The following SH3BP5L variants were observed in gnomAD, a reference collection of about 807,000 sequenced individuals.
SH3BP5L encodes SH3 domain-binding protein 5-like.
In SH3BP5L, 16 loss-of-function variants were observed where a neutral mutation model predicts 40.9. The ratio of observed to expected loss-of-function variants is 0.39; its 90% CI spans 0.27 to 0.59. The LOEUF (loss-of-function observed/expected upper bound fraction) is 0.59, where lower values mean the gene tolerates loss of function less well. SH3BP5L is among the 20% of genes least tolerant of loss of function. SH3BP5L has a pLI of 0.53. For synonymous variants in SH3BP5L, 229 were observed against 226.7 expected, an observed-to-expected ratio of 1.01 and a Z score of -0.09; for missense variants, 471 against 544.6, an observed-to-expected ratio of 0.86 and a Z score of 1.35.
rs1664160005 is a variant in SH3BP5L at position 248,818,259 on chromosome 1, A to C, written c.184-1375T>G. On this transcript the variant is annotated intron_variant, in intron 2 of 6. Coordinates refer to ENST00000366472, the MANE Select transcript of SH3BP5L (RefSeq NM_030645.3). ...GCTACTTGGGAGGCCGAGGCACGAA[A>C]ATGGCTTGAACCCGGGGGGCAGGGA... Among the ~76,000 whole-genome samples, 3 of 152,070 alleles carry C rather than the reference A, an allele frequency of 2.0e-5. 1 individual carries two copies. Among genetic ancestry groups the C allele is most frequent in the Non-Finnish European group, 4.4e-5 (3 of 68,028 alleles).
At chr1:248,818,646 A>G (rs1664172998) in intron 2 of SH3BP5L, among the ~76,000 whole-genome samples, 2 of 152,176 alleles carry the variant, frequency 1.3e-5, no homozygotes, top group African/African-American at 4.8e-5. Flanking sequence ...GAAGGACTGG[A>G]GAGAGAAGCA....
At chr1:248,817,036 C>T (rs1664128732) in intron 2 of SH3BP5L, 152 bp from the exon 3 acceptor site, 1 of 1,543,282 alleles carries the variant, frequency 6.5e-7, no homozygotes, top group South Asian at 1.2e-5. Context: ...ACGGAGATTG[C>T]CAAAAGCTTT....
Position 248,812,552 on chromosome 1 carries a change from C to G in SH3BP5L, c.712-182G>C, listed in dbSNP as rs73150581. ...CAGCACCCACCACAGACCCACAACACCCTTCCCTGCTCCACTTGCTCTGCG... is the reference window on the plus strand; with the variant it reads ...CAGCACCCACCACAGACCCACAACAGCCTTCCCTGCTCCACTTGCTCTGCG... On this transcript the variant is annotated intron_variant, in intron 6 of 6. Transcript: ENST00000366472. The surrounding 1 kb of genome is among the most constrained non-coding windows in gnomAD (Gnocchi z 6.1). Among the ~76,000 whole-genome samples, 89 of 109,120 alleles carry G rather than the reference C, an allele frequency of 8.2e-4. No individual in the cohort carries two copies. The highest frequency in any genetic ancestry group is 3.2e-3 in the African/African-American group (59 of 18,662). 71.6% of individuals were successfully genotyped at this position (109,120 alleles called of 152,430 possible). A position where few individuals can be genotyped will look rare whatever the true frequency, so the allele number is the denominator to read the frequency against.
intron 2 of SH3BP5L, among the ~76,000 whole-genome samples, chr1:248,818,211 G>A (rs980929288): frequency 1.3e-5 from 2 of 152,102 alleles, no homozygotes; most frequent in Non-Finnish European, 2.9e-5. Context: ...AGCTGGGCGT[G>A]GTGGCACACA....
chr1:248,811,452 A>G lies in SH3BP5L; in HGVS notation c.*448T>C. On this transcript the variant is annotated 3_prime_UTR_variant, in exon 7 of 7. Coordinates refer to ENST00000366472, the MANE Select transcript of SH3BP5L (RefSeq NM_030645.3). Reference sequence around the variant, plus strand: ...GCCTTGGGAAGGGGGGCGGGGCTGGAAACCAACGGGAGGGGTGACTGTCCA... The same window carrying G: ...GCCTTGGGAAGGGGGGCGGGGCTGGGAACCAACGGGAGGGGTGACTGTCCA... 1.2e-5 allele frequency: 2 copies of G among 161,150 alleles called. No homozygotes were observed. The highest frequency in any genetic ancestry group is 2.7e-5 in the Non-Finnish European group (2 of 74,478). 10.0% of individuals were successfully genotyped at this position (161,150 alleles called of 1,614,324 possible).
chr1:248,818,489 T>C (rs952976048), intron 2 of SH3BP5L, among the ~76,000 whole-genome samples: 2 of 151,966 alleles, frequency 1.3e-5, no homozygotes, highest in Non-Finnish European at 2.9e-5. Flanking sequence ...ATCAGGAAAG[T>C]GTATAGAGTC....
chr1:248,825,680 T>A (rs1572188654), intron 1 of SH3BP5L, 155 bp downstream of exon 1: 1 of 190,992 alleles, frequency 5.2e-6, no homozygotes, highest in Non-Finnish European at 9.6e-6. Context: ...GGCTTTGCGA[T>A]TCACCTTGTA....
intron 5 of SH3BP5L, 140 bp downstream of exon 5, chr1:248,814,309 G>C: frequency 1.1e-6 from 1 of 922,814 alleles, no homozygotes; most frequent in Non-Finnish European, 1.6e-6. Flanking sequence ...CAGAAAACTA[G>C]GAACAGGTTT....
rs1422686422 is a variant in SH3BP5L at position 248,810,518 on chromosome 1, GCA to G, written c.*1380_*1381del. 6.6e-6 allele frequency: 1 copy of G among 152,304 alleles called. No individual in the cohort carries two copies. Among genetic ancestry groups the G allele is most frequent in the Non-Finnish European group, 1.5e-5 (1 of 68,088 alleles). 9.4% of individuals were successfully genotyped at this position (152,304 alleles called of 1,614,324 possible). On this transcript the variant is annotated 3_prime_UTR_variant, in exon 7 of 7. Coordinates refer to ENST00000366472, the MANE Select transcript of SH3BP5L (RefSeq NM_030645.3). Reference sequence around the variant, plus strand: ...CTTTCCCCCTTACACACCAGCACATGCACACACGCACACCCACACCCTCCCTC... The same window carrying G: ...CTTTCCCCCTTACACACCAGCACATGCACACGCACACCCACACCCTCCCTC...
intron 2 of SH3BP5L, among the ~76,000 whole-genome samples, chr1:248,822,224 G>A (rs574443787): frequency 6.6e-6 from 1 of 152,266 alleles, no homozygotes; most frequent in African/African-American, 2.4e-5. Context: ...AACACTCAAA[G>A]GGACCTCGAA....
rs1664001447 is a variant in SH3BP5L, at chr1:248,813,137, A to G, written c.563T>C (p.Leu188Pro). Residue 188 changes from leucine to proline, a missense_variant, in exon 6 of 7, where the codon CTT becomes CCT. By Grantham distance (98) the Leu-to-Pro change is moderately conservative. Coordinates refer to ENST00000366472, the MANE Select transcript of SH3BP5L (RefSeq NM_030645.3). ...CKVNEAEEER[L>P]RGEREHQRVT... is the part of the protein sequence containing the mutation. Reference sequence around the variant, plus strand: ...TCGCTGGTGCTCCCGCTCACCTCGAAGCCGCTCTTCCTCCGCCTCATTCAC... The same window carrying G: ...TCGCTGGTGCTCCCGCTCACCTCGAGGCCGCTCTTCCTCCGCCTCATTCAC... 6.2e-7 allele frequency: 1 copy of G among 1,602,576 alleles called. No individual in the cohort carries two copies. The highest frequency in any genetic ancestry group is 1.3e-5 in the African/African-American group (1 of 74,494).
At chr1:248,814,958 C>A in intron 4 of SH3BP5L, 1 of 379,892 alleles carries the variant, frequency 2.6e-6, no homozygotes, top group East Asian at 6.7e-5. Context: ...GAAAAGATGA[C>A]CTTGAGACCA....
chr1:248,823,477 T>C (rs1664302890), intron 2 of SH3BP5L, among the ~76,000 whole-genome samples: 1 of 152,230 alleles, frequency 6.6e-6, no homozygotes, highest in Non-Finnish European at 1.5e-5. Flanking sequence ...CAAGACTTTT[T>C]TCACTACAAC....
At chr1:248,813,495 G>A in intron 5 of SH3BP5L, 1 of 289,962 alleles carries the variant, frequency 3.4e-6, no homozygotes. Flanking sequence ...AGGGATGCTG[G>A]TGCCCACTCA....
Position 248,825,888 on chromosome 1 carries a change from C to T in SH3BP5L, c.-485G>A, listed in dbSNP as rs201678770. 5 of 973,616 alleles carry T rather than the reference C, an allele frequency of 5.1e-6. No homozygotes were observed. Among genetic ancestry groups the T allele is most frequent in the South Asian group, 4.8e-5 (1 of 21,016 alleles). 60.3% of individuals were successfully genotyped at this position (973,616 alleles called of 1,614,324 possible). On this transcript the variant is annotated 5_prime_UTR_variant, in exon 1 of 7. Coordinates refer to ENST00000366472, the MANE Select transcript of SH3BP5L (RefSeq NM_030645.3). ...TCTATGCTGCAAACAATCTCCCCCC[C>T]TCCCTCCCCGCAACAAGCCGATCCA... is the stretch of plus-strand genomic sequence containing the variant.
chr1:248,814,224 G>A (rs1664035538), intron 5 of SH3BP5L: 8 of 579,870 alleles, frequency 1.4e-5, no homozygotes, highest in African/African-American at 5.6e-5. Context: ...GGAGGCAAAC[G>A]TTCAAGAAGA....
At position 248,825,171 on chromosome 1, in the gene SH3BP5L, C is replaced by A; in HGVS notation, c.-236G>T. ...TGTGCAAAAGTTCTTCCCTTCCCGC[C>A]ACAGGGAGTCCACTGTGACAAACCC... On this transcript the variant is annotated 5_prime_UTR_variant, in exon 2 of 7. Transcript: ENST00000366472. The A allele has an allele frequency of 7.7e-7, 1 of 1,290,980 alleles. No homozygotes were observed. Among genetic ancestry groups the A allele is most frequent in the Non-Finnish European group, 9.8e-7 (1 of 1,018,972 alleles). 80.0% of individuals were successfully genotyped at this position (1,290,980 alleles called of 1,614,324 possible).
chr1:248,813,987 G>A (rs1664030020), intron 5 of SH3BP5L: 1 of 177,714 alleles, frequency 5.6e-6, no homozygotes, highest in Admixed American at 5.5e-5. Flanking sequence ...GTGGCAGACA[G>A]GGCCAACGGC....
chr1:248,819,545 T>C (rs890645385), intron 2 of SH3BP5L, among the ~76,000 whole-genome samples: 1 of 150,850 alleles, frequency 6.6e-6, no homozygotes, highest in Non-Finnish European at 1.5e-5. Flanking sequence ...TCTACTAAAA[T>C]ACAAAAAAAT....
Sources: gnomAD v4.1 joint callset for allele counts (sites outside exome capture counted in the v4.1 genomes callset) on GRCh38, gnomAD v4.1.1 for gene constraint, Gnocchi (gnomAD v3.1) non-coding constraint, MANE v1.5 for transcripts, NCBI Gene and HGNC (gene_info 2026-07-23, HGNC 2026-07-21) for gene names.